DLGAP2: variants seen among roughly 807,000 people sequenced by gnomAD.
DLGAP2 encodes disks large-associated protein 2.
A neutral mutation model predicts 100.3 loss-of-function variants in DLGAP2; 26 were observed. The observed-to-expected ratio is 0.26, with a 90% CI of 0.19 to 0.36. The LOEUF is 0.36. Among genes scored for constraint, DLGAP2 ranks in the 10% least tolerant of loss-of-function variants. DLGAP2 has a pLI of 1.00. For synonymous variants in DLGAP2, 886 were observed against 630.1 expected, an observed-to-expected ratio of 1.41 and a Z score of -6.08; for missense variants, 1,858 against 1,453.2, an observed-to-expected ratio of 1.28 and a Z score of -4.53.
chr8:1,331,256 G>A (rs570978632), intron 3 of DLGAP2, among the ~76,000 whole-genome samples: 5 of 152,308 alleles, frequency 3.3e-5, no homozygotes, highest in South Asian at 4.1e-4. Flanking sequence ...AACTAAGGCC[G>A]CAAATTCCTT....
intron 1 of DLGAP2, among the ~76,000 whole-genome samples, chr8:772,641 GTCTTT>G (rs1274705817): frequency 9.2e-5 from 14 of 152,192 alleles, no homozygotes; most frequent in Non-Finnish European, 1.5e-4. Context: ...GTATTTTACT[GTCTTT>G]TCTTTGGTAC....
chr8:1,209,220 C>T (rs904418446), intron 2 of DLGAP2, among the ~76,000 whole-genome samples: 3 of 152,162 alleles, frequency 2.0e-5, no homozygotes, highest in Non-Finnish European at 4.4e-5. Context: ...AAGAACGAAT[C>T]TGGAGGCATC....
intron 1 of DLGAP2, among the ~76,000 whole-genome samples, chr8:886,228 T>C (rs1235779277): frequency 6.6e-6 from 1 of 151,240 alleles, no homozygotes; most frequent in East Asian, 1.9e-4. Flanking sequence ...TTGTATTTCT[T>C]TGAGGTCATT....
chr8:1,563,489 G>T (rs1385164571), intron 5 of DLGAP2, among the ~76,000 whole-genome samples: 1 of 141,994 alleles, frequency 7.0e-6, no homozygotes, highest in Non-Finnish European at 1.5e-5. Flanking sequence ...CGTTACTGGG[G>T]GACTGTGTGG....
Position 1,427,806 on chromosome 8 carries a change from C to T in DLGAP2, c.107-73560C>T, listed in dbSNP as rs372638512. On this transcript the variant is annotated intron_variant, in intron 3 of 14. Coordinates refer to ENST00000637795, the MANE Select transcript of DLGAP2 (RefSeq NM_001346810.2). Reference sequence around the variant, plus strand: ...ACATGGAACCGTAAGTCCAATAAGTCTCTTTCTTTTGTAAATTGCCCAGTC... The same window carrying T: ...ACATGGAACCGTAAGTCCAATAAGTTTCTTTCTTTTGTAAATTGCCCAGTC... Among the ~76,000 whole-genome samples, 35 of 152,288 alleles carry T rather than the reference C, an allele frequency of 2.3e-4. No individual in the cohort carries two copies. The South Asian group carries it at 4.6e-3, about 20-fold the overall frequency.
At chr8:1,519,385 G>T (rs1800509787) in intron 4 of DLGAP2, among the ~76,000 whole-genome samples, 1 of 152,180 alleles carries the variant, frequency 6.6e-6, no homozygotes, top group Non-Finnish European at 1.5e-5. Context: ...CCGAAATTCA[G>T]TGTTTTGCAC....
At chr8:1,496,473 T>A (rs1799549585) in intron 3 of DLGAP2, among the ~76,000 whole-genome samples, 1 of 152,130 alleles carries the variant, frequency 6.6e-6, no homozygotes, top group South Asian at 2.1e-4. Flanking sequence ...CTGGGAAGCA[T>A]CCTGCTTCCT....
At chr8:1,687,719 G>A (rs932906137) in intron 12 of DLGAP2, among the ~76,000 whole-genome samples, 6 of 152,190 alleles carry the variant, frequency 3.9e-5, no homozygotes, top group African/African-American at 1.4e-4. Flanking sequence ...TGTATTAACA[G>A]TTCAGTTGAA....
chr8:1,635,182 A>C (rs1175342181), intron 8 of DLGAP2, among the ~76,000 whole-genome samples: 1 of 152,224 alleles, frequency 6.6e-6, no homozygotes, highest in Non-Finnish European at 1.5e-5. Flanking sequence ...TTAAATCTTT[A>C]TTTACTAAAT....
chr8:1,465,531 G>A (rs577086336), intron 3 of DLGAP2, among the ~76,000 whole-genome samples: 1 of 152,340 alleles, frequency 6.6e-6, no homozygotes, highest in African/African-American at 2.4e-5. Context: ...TACAGGTGAA[G>A]AGATGAGCAA....
At chr8:861,077 G>A (rs918328754) in intron 1 of DLGAP2, among the ~76,000 whole-genome samples, 15 of 152,128 alleles carry the variant, frequency 9.9e-5, no homozygotes, top group Non-Finnish European at 1.6e-4. Flanking sequence ...ATGAGGAGAG[G>A]GAGTGGGGCA....
intron 1 of DLGAP2, among the ~76,000 whole-genome samples, chr8:750,029 C>T (rs1007353849): frequency 1.3e-5 from 2 of 152,260 alleles, no homozygotes; most frequent in South Asian, 4.1e-4. Flanking sequence ...TCAGGGCCCA[C>T]TCAGAAAGCC....
chr8:1,126,514 C>T (rs1366438671), intron 2 of DLGAP2, among the ~76,000 whole-genome samples: 2 of 151,792 alleles, frequency 1.3e-5, no homozygotes, highest in Non-Finnish European at 2.9e-5. Flanking sequence ...TCGTGCTGTG[C>T]GTGGACAGGA....
Position 823,903 on chromosome 8 carries a change from G to A in DLGAP2, c.19-84009G>A, listed in dbSNP as rs548654972. On this transcript the variant is annotated intron_variant, in intron 1 of 14. Coordinates refer to ENST00000637795, the MANE Select transcript of DLGAP2 (RefSeq NM_001346810.2). Reference sequence around the variant, plus strand: ...CTTGTTGTGCGATGACAGTGGCAGCGCCCGTGACACACAGCTATCCCTTAT... The same window carrying A: ...CTTGTTGTGCGATGACAGTGGCAGCACCCGTGACACACAGCTATCCCTTAT... 2.0e-4 allele frequency among the ~76,000 whole-genome samples: 30 copies of A among 152,232 alleles called. 1 individual carries two copies. Among genetic ancestry groups the A allele is most frequent in the Admixed American group, 1.8e-3 (28 of 15,298 alleles).
chr8:1,071,743 C>T (rs1257887082), intron 2 of DLGAP2, among the ~76,000 whole-genome samples: 1 of 152,090 alleles, frequency 6.6e-6, no homozygotes, highest in Non-Finnish European at 1.5e-5. Flanking sequence ...GATTTATTTT[C>T]CTAATATGTG....
chr8:827,313 T>A (rs997634658), intron 1 of DLGAP2, among the ~76,000 whole-genome samples: 8 of 152,202 alleles, frequency 5.3e-5, no homozygotes, highest in African/African-American at 1.9e-4. Context: ...GTCTTCAATG[T>A]GAGGATTTTT....
chr8:1,048,202 G>C (rs1039070866), intron 2 of DLGAP2, among the ~76,000 whole-genome samples: 1 of 152,174 alleles, frequency 6.6e-6, no homozygotes, highest in African/African-American at 2.4e-5. Context: ...TCTATGAAGA[G>C]CACGTAGATC....
intron 1 of DLGAP2, among the ~76,000 whole-genome samples, chr8:848,861 G>T (rs1201627315): frequency 1.3e-5 from 2 of 151,120 alleles, no homozygotes; most frequent in African/African-American, 4.9e-5. Flanking sequence ...TTCCAGCATA[G>T]GATCGCGCGG....
At chr8:1,010,277 C>G (rs950801305) in intron 2 of DLGAP2, among the ~76,000 whole-genome samples, 11 of 148,744 alleles carry the variant, frequency 7.4e-5, no homozygotes, top group Non-Finnish European at 1.6e-4. Flanking sequence ...CACACACATT[C>G]TCACATATGT....
Sources: allele counts gnomAD v4.1 joint callset (sites outside exome capture counted in the v4.1 genomes callset), GRCh38; gene constraint gnomAD v4.1.1; transcripts MANE v1.5; gene names NCBI Gene and HGNC (gene_info 2026-07-23, HGNC 2026-07-21).